The following APC variants were observed in gnomAD, a reference collection of about 807,000 sequenced individuals.
APC encodes APC regulator of Wnt signaling pathway.
In APC, 72 loss-of-function variants were observed where a neutral mutation model predicts 247.0. The ratio of observed to expected loss-of-function variants is 0.29; its 90% CI spans 0.24 to 0.35. The LOEUF (loss-of-function observed/expected upper bound fraction) is 0.35, where lower values mean the gene tolerates loss of function less well. Among genes scored for constraint, APC ranks in the 10% least tolerant of loss-of-function variants. APC has a pLI of 1.00. For missense variants in APC, 3,400 were observed against 3,360.7 expected (o/e 1.01, Z -0.29); for synonymous variants, 1,254 against 1,162.5 (o/e 1.08, Z -1.60).
upstream of APC, chr5:112,737,775 C>A (rs1752492967): frequency 3.3e-6 from 3 of 922,754 alleles, no homozygotes; most frequent in Non-Finnish European, 3.9e-6. Context: ...GTGTAATCCG[C>A]TGGATGCGGA....
chr5:112,713,691 A>G (rs1303252484), intron 1 of APC, among the ~76,000 whole-genome samples: 5 of 152,150 alleles, frequency 3.3e-5, no homozygotes, highest in Admixed American at 3.3e-4. Flanking sequence ...TTTCTGAGAG[A>G]GAGTCTCGTT....
chr5:112,826,915 C>A (rs1351494138), intron 11 of APC, among the ~76,000 whole-genome samples, 193 bp from the exon 12 acceptor site: 4 of 152,084 alleles, frequency 2.6e-5, no homozygotes, highest in Non-Finnish European at 4.4e-5. Context: ...GAATAATTGT[C>A]AGTTGTACTT....
In APC at chr5:112,838,187, C is replaced by T. The variant is rs192620988; in HGVS notation, c.2593C>T (p.Pro865Ser). Residue 865 changes from proline (P) to serine (S), a missense_variant, in exon 16 of 16, where the codon CCA (proline) becomes TCA (serine). Around this residue, in one of 9 missense-constraint regions of APC, gnomAD observed 715 missense variants for 656.6 expected, o/e 1.09. Transcript: ENST00000257430. ...CGGAATTGGTCTAGGCAACTACCATCCAGCAACAGAAAATCCAGGAACTTC... is the reference window on the plus strand; with the variant it reads ...CGGAATTGGTCTAGGCAACTACCATTCAGCAACAGAAAATCCAGGAACTTC... ...ERGIGLGNYH[P>S]ATENPGTSSK... 152 of 1,614,166 alleles carry T rather than the reference C, an allele frequency of 9.4e-5. 1 individual carries two copies. In the Middle Eastern group the frequency reaches 1.2e-3, roughly 12 times the overall value.
At chr5:112,801,257 G>A in intron 7 of APC, 22 bp from the exon 8 acceptor site, 1 of 1,599,258 alleles carries the variant, frequency 6.3e-7, no homozygotes. Context: ...TGCATGTACT[G>A]ATGTTAACTC....
rs768973715 is a variant in APC, at chr5:112,827,188, C to T, written c.1489C>T (p.Leu497=). The change falls in exon 12 of 16, where the codon CTA becomes TTA. Residue 497 remains leucine (L), a synonymous_variant. Transcript: ENST00000257430. ...TACTAATGACCACTACAGTATTACA[C>T]TAAGACGATATGCTGGAATGGCTTT... The part of the protein sequence containing the change: ...GLTNDHYSIT[L]RRYAGMALTN... 1.9e-6 allele frequency: 3 copies of T among 1,613,896 alleles called. No individual in the cohort carries two copies. The highest frequency in any genetic ancestry group is 2.2e-5 in the South Asian group (2 of 91,084).
intron 8 of APC, among the ~76,000 whole-genome samples, chr5:112,802,281 A>C (rs537581425): frequency 1.3e-5 from 2 of 152,124 alleles, no homozygotes; most frequent in Non-Finnish European, 2.9e-5. Flanking sequence ...TTACTGAGTT[A>C]AAACAAACAT....
At chr5:112,719,000 G>A (rs537906955) in intron 1 of APC, among the ~76,000 whole-genome samples, 6 of 152,270 alleles carry the variant, frequency 3.9e-5, no homozygotes, top group East Asian at 1.9e-4. Flanking sequence ...GGAGACAGAG[G>A]ATATTTTGTA....
chr5:112,741,067 G>T (rs1752957056), intron 1 of APC, among the ~76,000 whole-genome samples: 1 of 152,138 alleles, frequency 6.6e-6, no homozygotes, highest in African/African-American at 2.4e-5. Flanking sequence ...GTTCAGAAAA[G>T]ATGGGTAATA....
At chr5:112,793,690 G>A (rs966096829) in intron 7 of APC, among the ~76,000 whole-genome samples, 2 of 152,112 alleles carry the variant, frequency 1.3e-5, no homozygotes, top group Admixed American at 6.6e-5. Flanking sequence ...AATAAAAGGA[G>A]TTCCAAAAAG....
chr5:112,801,201 CA>C lies in APC; in HGVS notation c.730-71del, dbSNP rs1760779607. The stretch of plus-strand genomic sequence containing the variant: ...AATTGATGCATTCAGAGCTTTAAAG[CA>C]AAAAAAGAAAAAAAGCCTTGGGCTA... On this transcript the variant is annotated intron_variant, in intron 7 of 15. Transcript: ENST00000257430. 5.1e-6 allele frequency: 6 copies of C among 1,184,266 alleles called. No individual in the cohort carries two copies. In the East Asian group the frequency reaches 9.9e-5, roughly 20 times the overall value. 73.4% of individuals were successfully genotyped at this position (1,184,266 alleles called of 1,614,324 possible).
Position 112,840,497 on chromosome 5 carries a change from G to T in APC, c.4903G>T (p.Gly1635Trp), listed in dbSNP as rs2149926978. The T allele has an allele frequency of 6.2e-7, 1 of 1,614,152 alleles. No homozygotes were observed. Among genetic ancestry groups the T allele is most frequent in the Non-Finnish European group, 8.5e-7 (1 of 1,180,022 alleles). The change falls in exon 16 of 16, where the codon GGG (glycine) becomes TGG (tryptophan). Residue 1635 changes from glycine to tryptophan, a missense_variant. Transcript: ENST00000257430. This position sits in a 1 kb window ranked among gnomAD's most constrained non-coding sequence, Gnocchi z 4.1. Reference protein sequence around the residue: ...QPQKHVSFTPGDDMPRVYCVE... With the variant: ...QPQKHVSFTPWDDMPRVYCVE... ...CCAAAAGCATGTTAGTTTTACACCG[G>T]GGGATGATATGCCACGGGTGTATTG...
intron 1 of APC, among the ~76,000 whole-genome samples, chr5:112,746,436 A>T (rs987673821): frequency 6.6e-6 from 1 of 152,182 alleles, no homozygotes; most frequent in African/African-American, 2.4e-5. Flanking sequence ...ATAAAAATTT[A>T]AAACTATACA....
chr5:112,824,336 A>G (rs1200259579), intron 11 of APC, among the ~76,000 whole-genome samples: 1 of 152,242 alleles, frequency 6.6e-6, no homozygotes, highest in Non-Finnish European at 1.5e-5. Context: ...TAGCAAATCC[A>G]TTTATAGGTT....
At chr5:112,764,054 G>A (rs1361394910) in intron 2 of APC, among the ~76,000 whole-genome samples, 2 of 149,102 alleles carry the variant, frequency 1.3e-5, no homozygotes, top group African/African-American at 4.9e-5. Context: ...TGGCTAACAC[G>A]GTGAAACCCC....
intron 6 of APC, among the ~76,000 whole-genome samples, chr5:112,790,594 G>T (rs575495059): frequency 6.6e-6 from 1 of 152,308 alleles, no homozygotes; most frequent in Admixed American, 6.5e-5. Context: ...CTCCTGAAGT[G>T]CTGGGATTGC....
chr5:112,768,353 G>A (rs1756604858), intron 4 of APC, among the ~76,000 whole-genome samples: 1 of 146,482 alleles, frequency 6.8e-6, no homozygotes, highest in South Asian at 2.1e-4. Context: ...CCAAGACTCT[G>A]TCTCTTTACC....
At position 112,762,108 on chromosome 5, in the gene APC, A is replaced by G. The variant is rs982138649; in HGVS notation, c.136-4218A>G. Among the ~76,000 whole-genome samples, 11 of 152,190 alleles carry G rather than the reference A, an allele frequency of 7.2e-5. No homozygotes were observed. In the East Asian group the frequency reaches 1.7e-3, roughly 24 times the overall value. On this transcript the variant is annotated intron_variant, in intron 2 of 15. Coordinates refer to ENST00000257430, the MANE Select transcript of APC (RefSeq NM_000038.6). Reference sequence around the variant, plus strand: ...CCCAGGGACTTGAAAAGACAATTCAAAAAGAAAGATAAATGGCAGATAAGT... The same window carrying G: ...CCCAGGGACTTGAAAAGACAATTCAGAAAGAAAGATAAATGGCAGATAAGT...
chr5:112,833,247 A>G (rs910372285), intron 14 of APC, among the ~76,000 whole-genome samples: 5 of 148,926 alleles, frequency 3.4e-5, no homozygotes, highest in Admixed American at 1.4e-4. Flanking sequence ...TAGTGGCGCA[A>G]TCTCGGCTCA....
chr5:112,837,532 G>A lies in APC; in HGVS notation c.1959-21G>A, dbSNP rs1251315086. 1.9e-6 allele frequency: 3 copies of A among 1,585,922 alleles called. No homozygotes were observed. In the South Asian group the frequency reaches 3.3e-5, roughly 18 times the overall value. On this transcript the variant is annotated intron_variant, in intron 15 of 15. Coordinates refer to ENST00000257430, the MANE Select transcript of APC (RefSeq NM_000038.6). ...ATACACATTGTGACCTTAATTTTGT[G>A]ATCTCTTGATTTTATTTCAGGCAAA...
Sources: allele counts gnomAD v4.1 joint callset (sites outside exome capture counted in the v4.1 genomes callset), GRCh38; gene constraint gnomAD v4.1.1; regional missense constraint gnomAD v4.1.1; non-coding constraint Gnocchi (gnomAD v3.1); transcripts MANE v1.5; gene names NCBI Gene and HGNC (gene_info 2026-07-23, HGNC 2026-07-21).